Variants in CDYL observed in about 807,000 individuals in gnomAD.
The protein encoded by CDYL is chromodomain Y-like protein.
In CDYL, 8 loss-of-function variants were observed where a neutral mutation model predicts 47.3. The observed-to-expected ratio is 0.17, with a 90% confidence interval of 0.10 to 0.31. The LOEUF (loss-of-function observed/expected upper bound fraction) is 0.31. Among genes scored for constraint, CDYL ranks in the 10% least tolerant of loss-of-function variants. CDYL has a pLI of 1.00. For missense variants in CDYL, 471 were observed against 701.4 expected, an observed-to-expected ratio of 0.67 and a Z score of 3.71; for synonymous variants, 266 against 265.0, an observed-to-expected ratio of 1.00 and a Z score of -0.04.
At chr6:4,742,978 C>A (rs1757824064) in intron 3 of CDYL, among the ~76,000 whole-genome samples, 1 of 152,196 alleles carries the variant, frequency 6.6e-6, no homozygotes, top group African/African-American at 2.4e-5. Flanking sequence ...TCCATCCAAT[C>A]TCTTTGCTTC....
intron 2 of CDYL, among the ~76,000 whole-genome samples, chr6:4,908,897 G>T (rs1324896187): frequency 6.6e-6 from 1 of 152,238 alleles, no homozygotes; most frequent in East Asian, 1.9e-4. Context: ...CTGCCTGTCT[G>T]TTGAGAGGCT....
At chr6:4,808,832 A>T (rs556833052) in intron 1 of CDYL, among the ~76,000 whole-genome samples, 1 of 152,180 alleles carries the variant, frequency 6.6e-6, no homozygotes, top group African/African-American at 2.4e-5. Flanking sequence ...ACCTCCTTCA[A>T]TGTGGTTATT....
chr6:4,759,878 TCAAAAAA>T (rs1758143586), intron 3 of CDYL, among the ~76,000 whole-genome samples: 1 of 3,512 alleles, frequency 2.8e-4, no homozygotes, highest in Non-Finnish European at 8.1e-4. Flanking sequence ...AAACTCCATC[TCAAAAAA>T]AAAAAAAAAA....
chr6:4,819,934 A>G lies in CDYL; in HGVS notation c.24+43127A>G, dbSNP rs143202377. On this transcript the variant is annotated intron_variant, in intron 1 of 6. Transcript: ENST00000397588. The stretch of plus-strand genomic sequence containing the variant: ...AAGAAACCCTGTGTTATGAGAATGT[A>G]CCAGATACTGGTGGTGGAGTGGAAG... 4.1e-3 allele frequency among the ~76,000 whole-genome samples: 620 copies of G among 152,310 alleles called. 1 individual carries two copies. The highest frequency in any genetic ancestry group is 0.014 in the African/African-American group (579 of 41,568).
chr6:4,724,822 A>G (rs189222138), intron 2 of CDYL: 48 of 152,306 alleles, frequency 3.2e-4, no homozygotes, highest in African/African-American at 1.1e-3. Flanking sequence ...CAGCAACAAT[A>G]TTTATTGCAA....
intron 2 of CDYL, among the ~76,000 whole-genome samples, chr6:4,910,987 C>A (rs910802285): frequency 6.6e-6 from 1 of 152,178 alleles, no homozygotes; most frequent in African/African-American, 2.4e-5. Flanking sequence ...GCGCCTGCCA[C>A]CACGCCCGGC....
chr6:4,832,131 A>G lies in CDYL; in HGVS notation c.24+55324A>G, dbSNP rs1282588340. ...CACTATGTTGAATAGGAGTGGTGAG[A>G]GAGGGCATCCCTGTCTTGTGCCAGT... On this transcript the variant is annotated intron_variant, in intron 1 of 6. Transcript: ENST00000397588. 3.3e-5 allele frequency among the ~76,000 whole-genome samples: 5 copies of G among 152,108 alleles called. No homozygotes were observed. In the East Asian group the frequency reaches 5.8e-4, roughly 18 times the overall value.
At chr6:4,821,505 G>A (rs370714714) in intron 1 of CDYL, among the ~76,000 whole-genome samples, 14 of 151,904 alleles carry the variant, frequency 9.2e-5, no homozygotes, top group Non-Finnish European at 1.9e-4. Context: ...GGGCCGAAGC[G>A]GGCGGATCAC....
At chr6:4,937,193 C>A (rs75201051) in intron 3 of CDYL, among the ~76,000 whole-genome samples, 3 of 151,330 alleles carry the variant, frequency 2.0e-5, no homozygotes, top group Non-Finnish European at 4.4e-5. Context: ...TCCATCTCTA[C>A]AAAAAAAGTT....
At chr6:4,907,467 C>T (rs1757274758) in intron 2 of CDYL, among the ~76,000 whole-genome samples, 3 of 152,130 alleles carry the variant, frequency 2.0e-5, no homozygotes, top group African/African-American at 7.2e-5. Context: ...CTCAGGTGAT[C>T]CACCTCAGCT....
intron 1 of CDYL, among the ~76,000 whole-genome samples, chr6:4,833,300 A>C (rs938175151): frequency 6.7e-6 from 1 of 149,054 alleles, no homozygotes; most frequent in Non-Finnish European, 1.5e-5. Flanking sequence ...TTCAAAGAAC[A>C]TCTTTATTTC....
At chr6:4,894,887 GTGTA>G (rs1561692346) in intron 2 of CDYL, among the ~76,000 whole-genome samples, 6 of 149,390 alleles carry the variant, frequency 4.0e-5, no homozygotes, top group African/African-American at 1.0e-4. Context: ...GTGTATGTGT[GTGTA>G]TATATACACA....
At chr6:4,738,928 G>A (rs530301316) in intron 3 of CDYL, among the ~76,000 whole-genome samples, 10 of 152,268 alleles carry the variant, frequency 6.6e-5, no homozygotes, top group East Asian at 5.8e-4. Context: ...TTGGGAGGCC[G>A]AGGCAGGCAG....
intron 2 of CDYL, among the ~76,000 whole-genome samples, chr6:4,900,689 T>C (rs1757001363): frequency 6.7e-6 from 1 of 150,308 alleles, no homozygotes; most frequent in African/African-American, 2.4e-5. Flanking sequence ...GAAATTGCTA[T>C]CTCATTGTTT....
chr6:4,756,044 C>A (rs935654595), intron 3 of CDYL, among the ~76,000 whole-genome samples: 1 of 152,070 alleles, frequency 6.6e-6, no homozygotes, highest in African/African-American at 2.4e-5. Context: ...AATATTGCCT[C>A]GTCCTGATTT....
intron 1 of CDYL, among the ~76,000 whole-genome samples, chr6:4,872,779 C>A (rs538052735): frequency 6.6e-6 from 1 of 152,304 alleles, no homozygotes; most frequent in African/African-American, 2.4e-5. Context: ...ATAGAAAATT[C>A]TTAACCTCAA....
chr6:4,895,515 GTATA>G (rs1157249202), intron 2 of CDYL, among the ~76,000 whole-genome samples: 1 of 147,824 alleles, frequency 6.8e-6, no homozygotes, highest in African/African-American at 2.5e-5. Context: ...ACGTATATAT[GTATA>G]TATACATGTA....
At position 4,954,119 on chromosome 6, in the gene CDYL, G is replaced by C; in HGVS notation, c.*63G>C. 1.3e-6 allele frequency: 2 copies of C among 1,539,106 alleles called. No homozygotes were observed. The highest frequency in any genetic ancestry group is 4.6e-5 in the East Asian group (2 of 43,738). Reference sequence around the variant, plus strand: ...GAGCAGGAGAACATCACCGGCTCCAGTTCCCCTGATCCATTCTCACAGCCT... The same window carrying C: ...GAGCAGGAGAACATCACCGGCTCCACTTCCCCTGATCCATTCTCACAGCCT... On this transcript the variant is annotated 3_prime_UTR_variant, in exon 7 of 7. Coordinates refer to ENST00000397588, the MANE Select transcript of CDYL (RefSeq NM_004824.4).
At chr6:4,760,396 C>T (rs1758156701) in intron 3 of CDYL, among the ~76,000 whole-genome samples, 1 of 151,626 alleles carries the variant, frequency 6.6e-6, no homozygotes, top group Admixed American at 6.6e-5. Flanking sequence ...AAATGATGAC[C>T]CAAGTAGAAA....
Sources: allele counts gnomAD v4.1 joint callset (sites outside exome capture counted in the v4.1 genomes callset), GRCh38; gene constraint gnomAD v4.1.1; transcripts MANE v1.5; gene names NCBI Gene and HGNC (gene_info 2026-07-23, HGNC 2026-07-21).